KCNQ3: variants seen among roughly 807,000 people sequenced by gnomAD.
KCNQ3 encodes the protein potassium voltage-gated channel subfamily KQT member 3.
A neutral mutation model predicts 92.5 loss-of-function variants in KCNQ3; 30 were observed. That is an observed-to-expected ratio of 0.32 (90% CI 0.24 to 0.44). The LOEUF (loss-of-function observed/expected upper bound fraction) is 0.44, where lower values mean the gene tolerates loss of function less well. Among genes scored for constraint, KCNQ3 ranks in the 20% least tolerant of loss-of-function variants. KCNQ3 has a pLI of 1.00. For synonymous variants in KCNQ3, 450 were observed against 468.8 expected (o/e 0.96, Z 0.52); for missense variants, 913 against 1,140.3 (o/e 0.80, Z 2.87).
intron 1 of KCNQ3, among the ~76,000 whole-genome samples, chr8:132,238,293 CT>C (rs1453688267): frequency 1.3e-5 from 2 of 152,022 alleles, no homozygotes; most frequent in African/African-American, 4.8e-5. Context: ...AAAAGTTGGC[CT>C]ATGTGGTCTT....
chr8:132,301,453 T>C (rs1433616670), intron 1 of KCNQ3, among the ~76,000 whole-genome samples: 1 of 152,214 alleles, frequency 6.6e-6, no homozygotes, highest in East Asian at 1.9e-4. Context: ...TATGGAGTCT[T>C]TCCTGACTGT....
chr8:132,440,584 T>C (rs1156963241), intron 1 of KCNQ3, among the ~76,000 whole-genome samples: 3 of 152,156 alleles, frequency 2.0e-5, no homozygotes, highest in East Asian at 1.9e-4. Context: ...CGTGGGAAAC[T>C]GAGGCTTGGA....
intron 2 of KCNQ3, among the ~76,000 whole-genome samples, chr8:132,184,922 A>C (rs1826915362): frequency 6.6e-6 from 1 of 152,242 alleles, no homozygotes. Context: ...GAAGTGGAGA[A>C]GAAGGGATCT....
intron 1 of KCNQ3, among the ~76,000 whole-genome samples, chr8:132,188,024 G>A (rs1415922169): frequency 6.6e-6 from 1 of 152,098 alleles, no homozygotes; most frequent in Non-Finnish European, 1.5e-5. Context: ...TCCCATTTTA[G>A]AGATGAAGAC....
intron 1 of KCNQ3, among the ~76,000 whole-genome samples, chr8:132,272,138 C>A (rs1816167962): frequency 6.6e-6 from 1 of 152,188 alleles, no homozygotes; most frequent in Non-Finnish European, 1.5e-5. Flanking sequence ...CCTCTCTGAG[C>A]CTCAGTTTTT....
chr8:132,361,667 A>T (rs1389862234), intron 1 of KCNQ3, among the ~76,000 whole-genome samples: 2 of 152,214 alleles, frequency 1.3e-5, no homozygotes, highest in Non-Finnish European at 2.9e-5. Flanking sequence ...CAAAGAAAAG[A>T]AAATGAAATA....
intron 1 of KCNQ3, among the ~76,000 whole-genome samples, chr8:132,293,002 T>A (rs1439557044): frequency 6.6e-6 from 1 of 152,150 alleles, no homozygotes; most frequent in Non-Finnish European, 1.5e-5. Context: ...CATGCCTAAG[T>A]AATGAAGCCT....
intron 1 of KCNQ3, among the ~76,000 whole-genome samples, chr8:132,267,180 T>C (rs1816008316): frequency 6.6e-6 from 1 of 151,872 alleles, no homozygotes; most frequent in Non-Finnish European, 1.5e-5. Flanking sequence ...CCACTAAACA[T>C]AAAAAAAGTG....
intron 1 of KCNQ3, among the ~76,000 whole-genome samples, chr8:132,252,180 G>T (rs925058023): frequency 6.6e-6 from 1 of 152,002 alleles, no homozygotes; most frequent in Non-Finnish European, 1.5e-5. Context: ...GGTTCCTTCT[G>T]GTCGGTTCTT....
chr8:132,181,034 C>T lies in KCNQ3; in HGVS notation c.605-705G>A, dbSNP rs367705106. 1.2e-4 allele frequency among the ~76,000 whole-genome samples: 18 copies of T among 152,220 alleles called. No individual in the cohort carries two copies. The East Asian group carries it at 2.7e-3, about 23-fold the overall frequency. ...TGAGCTACACTGGCCTAGTGATCTC[C>T]CTAAGCTTGAGAGAAGGCCTTGGGG... On this transcript the variant is annotated intron_variant, in intron 3 of 14. Transcript: ENST00000388996.
chr8:132,149,413 G>A (rs747892), intron 9 of KCNQ3, among the ~76,000 whole-genome samples: 81,308 of 151,928 alleles, frequency 0.54, 22,088 homozygotes, highest in African/African-American at 0.6. Context: ...ACTAAGTTCC[G>A]TAACCCCTCT....
At chr8:132,219,457 A>C (rs1814146516) in intron 1 of KCNQ3, among the ~76,000 whole-genome samples, 1 of 152,042 alleles carries the variant, frequency 6.6e-6, no homozygotes, top group East Asian at 1.9e-4. Flanking sequence ...GTAGACCCTC[A>C]CTATCCCCAC....
At chr8:132,221,332 G>A (rs74621673) in intron 1 of KCNQ3, among the ~76,000 whole-genome samples, 10,149 of 152,224 alleles carry the variant, frequency 0.067, 440 homozygotes, top group African/African-American at 0.11. Context: ...TATATACCCA[G>A]TAATGGGAGC....
At chr8:132,259,339 G>C (rs1815696837) in intron 1 of KCNQ3, among the ~76,000 whole-genome samples, 1 of 152,194 alleles carries the variant, frequency 6.6e-6, no homozygotes, top group African/African-American at 2.4e-5. Context: ...ATGCAAAGTT[G>C]ATTCTATGAA....
chr8:132,125,161 C>T lies in KCNQ3; in HGVS notation c.*4101G>A, dbSNP rs1824622998. The T allele has an allele frequency of 6.6e-6, 1 of 152,038 alleles. No homozygotes were observed. Among genetic ancestry groups the T allele is most frequent in the African/African-American group, 2.4e-5 (1 of 41,368 alleles). The allele number at this position is 152,038 out of a possible 1,614,324, so 9.4% of individuals were successfully genotyped here. A position where few individuals can be genotyped will look rare whatever the true frequency, so the allele number is the denominator to read the frequency against. On this transcript the variant is annotated 3_prime_UTR_variant, in exon 15 of 15. Transcript: ENST00000388996. ...AATCTTCCTCAGATTCCCTAGAATC[C>T]CCCCTTTTTGCACAGCTTCTCTGGA...
At chr8:132,325,444 T>G (rs936857098) in intron 1 of KCNQ3, among the ~76,000 whole-genome samples, 2 of 152,132 alleles carry the variant, frequency 1.3e-5, no homozygotes, top group African/African-American at 2.4e-5. Flanking sequence ...TACGTTGAAG[T>G]CCTAACCCCT....
At chr8:132,212,635 GT>G (rs1813896055) in intron 1 of KCNQ3, among the ~76,000 whole-genome samples, 1 of 151,880 alleles carries the variant, frequency 6.6e-6, no homozygotes, top group Non-Finnish European at 1.5e-5. Flanking sequence ...CCCCATCTGT[GT>G]GTTCAGCCAG....
At chr8:132,402,234 C>A (rs1235660388) in intron 1 of KCNQ3, among the ~76,000 whole-genome samples, 1 of 152,176 alleles carries the variant, frequency 6.6e-6, no homozygotes, top group Non-Finnish European at 1.5e-5. Context: ...TGAGTGCCAA[C>A]TTCCTTCTTG....
chr8:132,346,002 T>G (rs954034015), intron 1 of KCNQ3, among the ~76,000 whole-genome samples: 8 of 151,800 alleles, frequency 5.3e-5, no homozygotes, highest in African/African-American at 1.7e-4. Context: ...ATGGTGATGA[T>G]GACAATGATG....
Sources: allele counts gnomAD v4.1 joint callset (sites outside exome capture counted in the v4.1 genomes callset), GRCh38; gene constraint gnomAD v4.1.1; transcripts MANE v1.5; gene names NCBI Gene and HGNC (gene_info 2026-07-23, HGNC 2026-07-21).